ADAM23: variants seen among roughly 807,000 people sequenced by gnomAD.
ADAM23 encodes the protein ADAM metallopeptidase domain 23.
In ADAM23, 33 loss-of-function variants were observed where a neutral mutation model predicts 120.1. That is an observed-to-expected ratio of 0.27 (90% CI 0.21 to 0.37). ADAM23 has a LOEUF of 0.37. Ranked by LOEUF, ADAM23 falls within the 10% of genes least tolerant of loss-of-function variation. The pLI is 1.00. For missense variants in ADAM23, 862 were observed against 1,058.2 expected (o/e 0.81, Z 2.57); for synonymous variants, 367 against 375.2 (o/e 0.98, Z 0.25).
intron 14 of ADAM23, among the ~76,000 whole-genome samples, chr2:206,566,462 C>T (rs1438547174): frequency 1.4e-5 from 2 of 145,084 alleles, no homozygotes; most frequent in South Asian, 2.2e-4. Context: ...AATAGGTGTG[C>T]GTGTGTGTGA....
intron 3 of ADAM23, 29 bp downstream of exon 3, chr2:206,481,337 A>G (rs937850598): frequency 6.6e-7 from 1 of 1,505,282 alleles, no homozygotes; most frequent in Non-Finnish European, 9.0e-7. Context: ...TCTTCTTAAG[A>G]AGCAGGTGCA....
At chr2:206,499,382 C>G (rs1306695018) in intron 3 of ADAM23, among the ~76,000 whole-genome samples, 2 of 150,614 alleles carry the variant, frequency 1.3e-5, no homozygotes, top group East Asian at 2.0e-4. Flanking sequence ...TCTCAGCAAA[C>G]TATCGCAAGG....
At chr2:206,541,958 G>A (rs1160687731) in intron 4 of ADAM23, 94 bp from the exon 5 acceptor site, 3 of 1,250,344 alleles carry the variant, frequency 2.4e-6, no homozygotes, top group Admixed American at 1.7e-5. Flanking sequence ...GCACATATAT[G>A]CCCATCCTTG....
At chr2:206,499,690 C>G (rs1241371042) in intron 3 of ADAM23, among the ~76,000 whole-genome samples, 1 of 151,920 alleles carries the variant, frequency 6.6e-6, no homozygotes, top group African/African-American at 2.4e-5. Context: ...GATCTTACTC[C>G]TTTGAGAGGT....
Position 206,508,524 on chromosome 2 carries a change from C to T in ADAM23, c.510-22361C>T, listed in dbSNP as rs373628646. ...TACAAAAATTAGCCGGGCGTGGTGG[C>T]TCACACCTGTAGTCGCAGCTACCCA... On this transcript the variant is annotated intron_variant, in intron 3 of 25. Coordinates refer to ENST00000264377, the MANE Select transcript of ADAM23 (RefSeq NM_003812.4). Among the ~76,000 whole-genome samples the T allele has an allele frequency of 2.6e-5, 4 of 151,798 alleles. No individual in the cohort carries two copies. In the East Asian group the frequency reaches 5.9e-4, roughly 22 times the overall value.
Position 206,617,681 on chromosome 2 carries a change from T to C in ADAM23, c.*54T>C, listed in dbSNP as rs1252150054. Reference sequence around the variant, plus strand: ...GCACTGTTGGATTCTGGGTATGACATACTCGCAGCAGTGTTACTGGAACTA... The same window carrying C: ...GCACTGTTGGATTCTGGGTATGACACACTCGCAGCAGTGTTACTGGAACTA... On this transcript the variant is annotated 3_prime_UTR_variant, in exon 26 of 26. Transcript: ENST00000264377. The C allele has an allele frequency of 5.0e-6, 8 of 1,608,656 alleles. No homozygotes were observed. Among genetic ancestry groups the C allele is most frequent in the Non-Finnish European group, 6.8e-6 (8 of 1,177,552 alleles).
At chr2:206,544,415 G>T (rs1039599152) in intron 6 of ADAM23, among the ~76,000 whole-genome samples, 11 of 152,060 alleles carry the variant, frequency 7.2e-5, no homozygotes, top group African/African-American at 2.4e-4. Flanking sequence ...ATTGTATTGA[G>T]GGCTTACTAC....
rs756198987 is a variant in ADAM23, at chr2:206,561,111, C to T, written c.1170-17C>T. The T allele has an allele frequency of 6.0e-5, 96 of 1,612,824 alleles. No homozygotes were observed. The highest frequency in any genetic ancestry group is 7.0e-5 in the Non-Finnish European group (83 of 1,179,040). ...GTCCACCACGTTGGTTTTCTGATAG[C>T]ACTGCTTTTTCTTAAGGCGGGTGAC... On this transcript the variant is annotated splice_polypyrimidine_tract_variant and intron_variant, in intron 11 of 25. Coordinates refer to ENST00000264377, the MANE Select transcript of ADAM23 (RefSeq NM_003812.4).
intron 3 of ADAM23, among the ~76,000 whole-genome samples, chr2:206,525,988 A>T (rs1177616054): frequency 6.6e-6 from 1 of 152,142 alleles, no homozygotes; most frequent in Non-Finnish European, 1.5e-5. Flanking sequence ...GAATCTTGGT[A>T]CCTAACTTTT....
intron 3 of ADAM23, among the ~76,000 whole-genome samples, chr2:206,499,540 A>G (rs917297494): frequency 2.0e-5 from 3 of 151,604 alleles, no homozygotes; most frequent in East Asian, 1.9e-4. Flanking sequence ...CCTAATGCTA[A>G]ATGACGAGTT....
At chr2:206,494,946 T>TA (rs1696207622) in intron 3 of ADAM23, among the ~76,000 whole-genome samples, 1 of 151,810 alleles carries the variant, frequency 6.6e-6, no homozygotes. Flanking sequence ...GAAGTTTAGA[T>TA]AAAAAAAGAA....
intron 3 of ADAM23, among the ~76,000 whole-genome samples, chr2:206,509,638 G>A (rs1483880664): frequency 2.0e-5 from 3 of 152,178 alleles, no homozygotes; most frequent in Admixed American, 2.0e-4. Flanking sequence ...TAGTGGAGAT[G>A]GGATTTCACC....
At chr2:206,474,331 A>G (rs950474434) in intron 2 of ADAM23, among the ~76,000 whole-genome samples, 16 of 152,334 alleles carry the variant, frequency 1.1e-4, no homozygotes, top group African/African-American at 3.8e-4. Context: ...GAACAAGGTC[A>G]AAGCATAATA....
At chr2:206,522,454 A>G (rs1696863947) in intron 3 of ADAM23, among the ~76,000 whole-genome samples, 1 of 152,152 alleles carries the variant, frequency 6.6e-6, no homozygotes, top group South Asian at 2.1e-4. Context: ...TCTGTATAGA[A>G]TGAAAAATGA....
intron 2 of ADAM23, among the ~76,000 whole-genome samples, chr2:206,477,897 A>AAAAATATATATATATATATAT (rs374524658): frequency 1.5e-4 from 14 of 93,594 alleles, no homozygotes; most frequent in East Asian, 2.6e-4. Context: ...AAAAAAAAAA[A>AAAAATATATATATATATATAT]ATATATATAT....
At chr2:206,523,638 T>TA (rs1191382214) in intron 3 of ADAM23, among the ~76,000 whole-genome samples, 1 of 152,096 alleles carries the variant, frequency 6.6e-6, no homozygotes, top group African/African-American at 2.4e-5. Flanking sequence ...ATTTTTTTTT[T>TA]AAAACTTTAG....
chr2:206,465,123 G>A lies in ADAM23; in HGVS notation c.433-16109G>A, dbSNP rs576702297. Among the ~76,000 whole-genome samples, 74 of 151,270 alleles carry A rather than the reference G, an allele frequency of 4.9e-4. 3 individuals carry two copies. The South Asian group carries it at 0.012, about 25-fold the overall frequency. Reference sequence around the variant, plus strand: ...TGCAGTGGTGTGATCGTTGCTCGCCGTAGCCTCAAACTTTTGGGCTTAAGC... The same window carrying A: ...TGCAGTGGTGTGATCGTTGCTCGCCATAGCCTCAAACTTTTGGGCTTAAGC... On this transcript the variant is annotated intron_variant, in intron 2 of 25. Coordinates refer to ENST00000264377, the MANE Select transcript of ADAM23 (RefSeq NM_003812.4).
chr2:206,529,818 C>T (rs933863645), intron 3 of ADAM23, among the ~76,000 whole-genome samples: 3 of 137,576 alleles, frequency 2.2e-5, no homozygotes, highest in Non-Finnish European at 4.9e-5. Context: ...TGTATATATA[C>T]ATTTTTTTTT....
At chr2:206,476,093 C>T (rs1695769220) in intron 2 of ADAM23, among the ~76,000 whole-genome samples, 1 of 152,144 alleles carries the variant, frequency 6.6e-6, no homozygotes, top group Non-Finnish European at 1.5e-5. Context: ...CTAATGCCCT[C>T]TTTCCTGAAG....
Sources: allele counts gnomAD v4.1 joint callset (sites outside exome capture counted in the v4.1 genomes callset), GRCh38; gene constraint gnomAD v4.1.1; transcripts MANE v1.5; gene names NCBI Gene and HGNC (gene_info 2026-07-23, HGNC 2026-07-21).